SYNPR: variants seen among roughly 807,000 people sequenced by gnomAD.
SYNPR encodes the protein synaptoporin.
A neutral mutation model predicts 32.9 loss-of-function variants in SYNPR; 23 were observed. That is an observed-to-expected ratio of 0.70 (90% CI 0.50 to 0.99). The LOEUF is 0.99. Ranked by LOEUF, SYNPR falls within the 50% of genes least tolerant of loss-of-function variation. The pLI is 0.00. For synonymous variants in SYNPR, 146 were observed against 135.9 expected (o/e 1.07, Z -0.52); for missense variants, 318 against 349.3 (o/e 0.91, Z 0.71).
At chr3:63,217,802 G>A in the SYNPR span, among the ~76,000 whole-genome samples, 1 of 152,104 alleles carries the variant, frequency 6.6e-6, no homozygotes, top group Admixed American at 6.5e-5. Context: ...TAAATGAGAA[G>A]TTCATTAAAT....
intron 2 of SYNPR, 31 bp downstream of exon 2, chr3:63,278,773 G>A (rs1167334929): frequency 1.3e-6 from 2 of 1,549,504 alleles, no homozygotes; most frequent in East Asian, 2.4e-5. Flanking sequence ...AGGGAGGGGC[G>A]CCAGGCAGCC....
intron 3 of SYNPR, among the ~76,000 whole-genome samples, chr3:63,494,405 A>ATATATATACACG (rs1559516207): frequency 2.3e-4 from 12 of 53,226 alleles, no homozygotes; most frequent in African/African-American, 9.0e-4. Flanking sequence ...ATATATATAT[A>ATATATATACACG]TATATATATA....
chr3:63,272,768 C>T (rs1257296450), intron 3 of SYNPR, among the ~76,000 whole-genome samples: 1 of 152,078 alleles, frequency 6.6e-6, no homozygotes, highest in African/African-American at 2.4e-5. Context: ...TATAAATGGT[C>T]AGGGGTATGG....
intron 3 of SYNPR, among the ~76,000 whole-genome samples, chr3:63,493,098 A>T (rs752599435): frequency 4.5e-4 from 68 of 152,052 alleles, no homozygotes; most frequent in Non-Finnish European, 1.0e-4. Context: ...CGTCCCCTCA[A>T]GCAGGTGGCT....
intron 3 of SYNPR, chr3:63,550,161 T>TC (rs1275466234): frequency 6.6e-6 from 1 of 151,440 alleles, no homozygotes; most frequent in African/African-American, 2.4e-5. Context: ...CTATACACTT[T>TC]CCCCCCAAAA....
At chr3:63,322,256 G>C (rs974984327) in intron 2 of SYNPR, among the ~76,000 whole-genome samples, 2 of 152,080 alleles carry the variant, frequency 1.3e-5, no homozygotes, top group African/African-American at 2.4e-5. Flanking sequence ...GTAGATACTG[G>C]AGAAATAATG....
chr3:63,270,586 C>T (rs1010926816), intron 3 of SYNPR, among the ~76,000 whole-genome samples: 1 of 152,028 alleles, frequency 6.6e-6, no homozygotes, highest in African/African-American at 2.4e-5. Flanking sequence ...ATACTTTGTA[C>T]AGTTAGAAGG....
chr3:63,415,549 C>G (rs780623832), intron 2 of SYNPR, among the ~76,000 whole-genome samples: 4 of 152,226 alleles, frequency 2.6e-5, no homozygotes, highest in Non-Finnish European at 5.9e-5. Context: ...CCTGTAGAAC[C>G]TGTCACAACT....
intron 2 of SYNPR, among the ~76,000 whole-genome samples, chr3:63,356,180 TC>T (rs2087575551): frequency 6.6e-6 from 1 of 152,234 alleles, no homozygotes; most frequent in African/African-American, 2.4e-5. Flanking sequence ...AGAAGCTCCA[TC>T]AACTTGGCAT....
intron 2 of SYNPR, among the ~76,000 whole-genome samples, chr3:63,378,278 G>A (rs2107063819): frequency 6.6e-6 from 1 of 151,936 alleles, no homozygotes; most frequent in South Asian, 2.1e-4. Flanking sequence ...ATGGAACTTT[G>A]TAAATACACA....
chr3:63,317,926 G>C (rs1459485021), intron 2 of SYNPR, among the ~76,000 whole-genome samples: 1 of 151,982 alleles, frequency 6.6e-6, no homozygotes, highest in East Asian at 1.9e-4. Flanking sequence ...GCTCCTTTTA[G>C]CAGTTCTTGT....
At chr3:63,596,954 T>G (rs1354102720) in intron 4 of SYNPR, among the ~76,000 whole-genome samples, 1 of 152,158 alleles carries the variant, frequency 6.6e-6, no homozygotes, top group Non-Finnish European at 1.5e-5. Context: ...AAGTGTAAAA[T>G]ACACATCACG....
intron 2 of SYNPR, among the ~76,000 whole-genome samples, chr3:63,433,745 C>T (rs888979148): frequency 6.6e-6 from 1 of 152,014 alleles, no homozygotes; most frequent in Admixed American, 6.6e-5. Flanking sequence ...GAAGCCTCAC[C>T]CAGATAGGAG....
chr3:63,207,323 G>T, the SYNPR span, among the ~76,000 whole-genome samples: 7 of 152,144 alleles, frequency 4.6e-5, no homozygotes, highest in African/African-American at 1.4e-4. Context: ...ATTCTGGCAT[G>T]ATTTCTCCTG....
At chr3:63,491,316 C>T (rs1701253868) in intron 3 of SYNPR, among the ~76,000 whole-genome samples, 1 of 151,896 alleles carries the variant, frequency 6.6e-6, no homozygotes, top group African/African-American at 2.4e-5. Context: ...TTAATGTAGA[C>T]AATTAGCTAC....
At chr3:63,571,458 C>G (rs1437404776) in intron 4 of SYNPR, among the ~76,000 whole-genome samples, 1 of 152,070 alleles carries the variant, frequency 6.6e-6, no homozygotes, top group Non-Finnish European at 1.5e-5. Context: ...TAACGCTTAT[C>G]TGTTTTCTGG....
At chr3:63,476,698 C>T (rs770918324) in intron 2 of SYNPR, among the ~76,000 whole-genome samples, 2 of 152,088 alleles carry the variant, frequency 1.3e-5, no homozygotes, top group African/African-American at 2.4e-5. Context: ...TCATTTTTTG[C>T]GGGGCTTCCC....
chr3:63,555,282 T>C (rs6767224), intron 3 of SYNPR, among the ~76,000 whole-genome samples: 27,124 of 124,276 alleles, frequency 0.22, 4,522 homozygotes, highest in African/African-American at 0.38. Flanking sequence ...GTAAGAAAAA[T>C]ACTTCCTAAG....
intron 3 of SYNPR, among the ~76,000 whole-genome samples, chr3:63,515,398 AGGTGCTATCCT>A: frequency 1.3e-5 from 2 of 152,252 alleles, no homozygotes; most frequent in African/African-American, 4.8e-5. Flanking sequence ...TGAAGACACT[AGGTGCTATCCT>A]GGTGCTAAGT....
Sources: gnomAD v4.1 joint callset for allele counts (sites outside exome capture counted in the v4.1 genomes callset) on GRCh38, gnomAD v4.1.1 for gene constraint, MANE v1.5 for transcripts, NCBI Gene and HGNC (gene_info 2026-07-23, HGNC 2026-07-21) for gene names.